CLIC4: variants seen among roughly 807,000 people sequenced by gnomAD.
The protein encoded by CLIC4 is CLIC family member 4.
CLIC4 carries 13 observed loss-of-function variants against 24.6 expected under a neutral mutation model. The ratio of observed to expected loss-of-function variants is 0.53; its 90% CI spans 0.34 to 0.84. The LOEUF (loss-of-function observed/expected upper bound fraction) is 0.84, where lower values mean the gene tolerates loss of function less well. Among genes scored for constraint, CLIC4 ranks in the 40% least tolerant of loss-of-function variants. The pLI, the probability that CLIC4 is intolerant of heterozygous loss-of-function variation, is 0.01. For missense variants in CLIC4, 227 were observed against 301.7 expected, an observed-to-expected ratio of 0.75 and a Z score of 1.83; for synonymous variants, 104 against 111.3, an observed-to-expected ratio of 0.93 and a Z score of 0.41.
At chr1:24,792,178 G>A (rs1157360277) in intron 1 of CLIC4, among the ~76,000 whole-genome samples, 1 of 151,050 alleles carries the variant, frequency 6.6e-6, no homozygotes, top group Non-Finnish European at 1.5e-5. Context: ...GTGTATGTGT[G>A]TGTATATATA....
chr1:24,794,848 C>A (rs1639381441), intron 1 of CLIC4, among the ~76,000 whole-genome samples: 1 of 152,128 alleles, frequency 6.6e-6, no homozygotes, highest in Non-Finnish European at 1.5e-5. Flanking sequence ...AGTCTTTAAT[C>A]CATCTTGAGT....
At chr1:24,778,869 G>C (rs1639172449) in intron 1 of CLIC4, among the ~76,000 whole-genome samples, 1 of 152,134 alleles carries the variant, frequency 6.6e-6, no homozygotes, top group Non-Finnish European at 1.5e-5. Flanking sequence ...TTTTCCTACA[G>C]ATTAAAGCCT....
intron 3 of CLIC4, among the ~76,000 whole-genome samples, chr1:24,816,449 G>T (rs558546099): frequency 2.0e-5 from 3 of 151,846 alleles, no homozygotes; most frequent in Non-Finnish European, 4.4e-5. Context: ...TGCCATTTTG[G>T]CCAGGCTGGT....
intron 4 of CLIC4, among the ~76,000 whole-genome samples, chr1:24,831,930 T>C (rs2124171754): frequency 6.6e-6 from 1 of 152,326 alleles, no homozygotes. Flanking sequence ...TGAAGCACCA[T>C]GCCCGGCCAT....
Position 24,842,572 on chromosome 1 carries a change from A to G in CLIC4, c.*1635A>G, listed in dbSNP as rs1422814266. The stretch of plus-strand genomic sequence containing the variant: ...TAAGTATACTGCATTTTTTGAGCCT[A>G]TCATTAATTAGCTTAGTATGAAAGA... On this transcript the variant is annotated 3_prime_UTR_variant, in exon 6 of 6. Coordinates refer to ENST00000374379, the MANE Select transcript of CLIC4 (RefSeq NM_013943.3). 3 of 152,138 alleles carry G rather than the reference A, an allele frequency of 2.0e-5. No homozygotes were observed. Among genetic ancestry groups the G allele is most frequent in the Non-Finnish European group, 2.9e-5 (2 of 68,016 alleles). 9.4% of individuals were successfully genotyped at this position (152,138 alleles called of 1,614,324 possible). A position where few individuals can be genotyped will look rare whatever the true frequency, so the allele number is the denominator to read the frequency against.
At chr1:24,797,375 A>C (rs1186495169) in intron 1 of CLIC4, among the ~76,000 whole-genome samples, 2 of 151,712 alleles carry the variant, frequency 1.3e-5, no homozygotes, top group African/African-American at 4.8e-5. Context: ...GGAGTTCAAG[A>C]CCAACCTGGA....
At chr1:24,821,794 A>G (rs1182460233) in intron 3 of CLIC4, among the ~76,000 whole-genome samples, 5 of 152,048 alleles carry the variant, frequency 3.3e-5, no homozygotes, top group Non-Finnish European at 7.4e-5. Context: ...GTGTTACCCA[A>G]GCTGTGGCCT....
chr1:24,815,991 G>A (rs1639663665), intron 3 of CLIC4, among the ~76,000 whole-genome samples: 1 of 152,042 alleles, frequency 6.6e-6, no homozygotes, highest in Non-Finnish European at 1.5e-5. Context: ...CATTTTCTTT[G>A]CTCATCATAA....
At chr1:24,810,778 G>A (rs1259856441) in intron 2 of CLIC4, among the ~76,000 whole-genome samples, 1 of 151,624 alleles carries the variant, frequency 6.6e-6, no homozygotes, top group Non-Finnish European at 1.5e-5. Context: ...AAAAAATCCT[G>A]AGAAATTTTA....
Position 24,783,395 on chromosome 1 carries a change from G to A in CLIC4, c.73-14347G>A, listed in dbSNP as rs1393355096. On this transcript the variant is annotated intron_variant, in intron 1 of 5. Transcript: ENST00000374379. ...CCCTGACACGCCAAATTATTTAGTA[G>A]TATAATACAGTAATAAAAATTTGTG... Among the ~76,000 whole-genome samples, 5 of 151,954 alleles carry A rather than the reference G, an allele frequency of 3.3e-5. No homozygotes were observed. In the East Asian group the frequency reaches 5.8e-4, roughly 18 times the overall value.
At chr1:24,823,135 C>T (rs1479295155) in intron 3 of CLIC4, among the ~76,000 whole-genome samples, 1 of 152,140 alleles carries the variant, frequency 6.6e-6, no homozygotes, top group Admixed American at 6.5e-5. Flanking sequence ...GTGAACACTT[C>T]CTGATTTAAT....
intron 1 of CLIC4, among the ~76,000 whole-genome samples, chr1:24,762,347 C>A (rs761006571): frequency 2.6e-5 from 4 of 152,066 alleles, no homozygotes; most frequent in Non-Finnish European, 5.9e-5. Context: ...TCACTTGAAC[C>A]CAGGAGTTAG....
chr1:24,822,508 C>T (rs150037605), intron 3 of CLIC4, among the ~76,000 whole-genome samples: 2,403 of 152,044 alleles, frequency 0.016, 66 homozygotes, highest in African/African-American at 0.055. Context: ...ACCACCACGC[C>T]TGGCTAATTT....
chr1:24,801,180 A>G lies in CLIC4; in HGVS notation c.182+3329A>G, dbSNP rs567072007. On this transcript the variant is annotated intron_variant, in intron 2 of 5. Coordinates refer to ENST00000374379, the MANE Select transcript of CLIC4 (RefSeq NM_013943.3). ...ATGATTTGCTATTATACTGATTTTT[A>G]AAACTATTAGTCTGTTCTCACATTG... Among the ~76,000 whole-genome samples the G allele has an allele frequency of 5.9e-5, 9 of 152,308 alleles. No homozygotes were observed. The East Asian group carries it at 1.7e-3, about 29-fold the overall frequency.
chr1:24,758,961 A>T (rs1638886650), intron 1 of CLIC4, among the ~76,000 whole-genome samples: 1 of 152,108 alleles, frequency 6.6e-6, no homozygotes, highest in Admixed American at 6.6e-5. Context: ...TTTAAAGAAA[A>T]TTTATTTAGG....
At chr1:24,760,491 C>T (rs1475791012) in intron 1 of CLIC4, among the ~76,000 whole-genome samples, 5 of 152,232 alleles carry the variant, frequency 3.3e-5, no homozygotes, top group African/African-American at 7.2e-5. Flanking sequence ...TAACCCCCAC[C>T]GCAGCTGCAG....
At chr1:24,805,231 A>G (rs1340407449) in intron 2 of CLIC4, among the ~76,000 whole-genome samples, 1 of 152,146 alleles carries the variant, frequency 6.6e-6, no homozygotes, top group African/African-American at 2.4e-5. Flanking sequence ...CAGATTAACA[A>G]TATTTAATCC....
At chr1:24,787,689 C>T (rs1226344523) in intron 1 of CLIC4, among the ~76,000 whole-genome samples, 4 of 151,092 alleles carry the variant, frequency 2.6e-5, no homozygotes, top group Admixed American at 2.6e-4. Context: ...GCGTCTGCCA[C>T]CACGCCAGGC....
Position 24,814,171 on chromosome 1 carries a change from A to G in CLIC4, c.260A>G (p.Asp87Gly). The change falls in exon 3 of 6, where the codon GAT becomes GGT. Residue 87 changes from aspartate to glycine, a missense_variant. Physicochemically the swap from Asp to Gly is moderately conservative, Grantham distance 94. Transcript: ENST00000374379. ...FITFNSEVKTDVNKIEEFLEE... is the reference protein window; with the variant it reads ...FITFNSEVKTGVNKIEEFLEE... ...ACTTTCAACAGTGAAGTCAAAACGG[A>G]TGTAAATAAGATTGAGGAATTTCTT... 6.2e-7 allele frequency: 1 copy of G among 1,614,160 alleles called. No homozygotes were observed. The highest frequency in any genetic ancestry group is 8.5e-7 in the Non-Finnish European group (1 of 1,179,992).
Sources: allele counts gnomAD v4.1 joint callset (sites outside exome capture counted in the v4.1 genomes callset), GRCh38; gene constraint gnomAD v4.1.1; transcripts MANE v1.5; gene names NCBI Gene and HGNC (gene_info 2026-07-23, HGNC 2026-07-21).